LRRIQ1: variants seen among roughly 807,000 people sequenced by gnomAD.
LRRIQ1 encodes leucine-rich repeat- and IQ domain-containing protein 1.
In LRRIQ1, 210 loss-of-function variants were observed where a neutral mutation model predicts 211.9. That is an observed-to-expected ratio of 0.99 (90% confidence interval 0.89 to 1.11). The LOEUF (loss-of-function observed/expected upper bound fraction) is 1.11, where lower values mean the gene tolerates loss of function less well. LRRIQ1 is among the 50% of genes most tolerant of loss of function. The pLI, the probability that LRRIQ1 is intolerant of heterozygous loss-of-function variation, is 0.00. For missense variants in LRRIQ1, 2,136 were observed against 1,939.5 expected, an observed-to-expected ratio of 1.10 and a Z score of -1.90; for synonymous variants, 699 against 650.1, an observed-to-expected ratio of 1.08 and a Z score of -1.14.
At position 85,047,484 on chromosome 12, in the gene LRRIQ1, G is replaced by A. The variant is rs1221177891; in HGVS notation, c.678+14G>A. 6.3e-7 allele frequency: 1 copy of A among 1,597,208 alleles called. No individual in the cohort carries two copies. Among genetic ancestry groups the A allele is most frequent in the African/African-American group, 1.3e-5 (1 of 74,074 alleles). On this transcript the variant is annotated intron_variant, in intron 6 of 26. Transcript: ENST00000393217. ...AACATTCAGAAGGTATTTTGCTTTT[G>A]TTTTTCATGTATTTTTAAAATCAGT... is the stretch of plus-strand genomic sequence containing the variant.
At chr12:85,116,021 C>T (rs1887545771) in intron 15 of LRRIQ1, among the ~76,000 whole-genome samples, 1 of 152,132 alleles carries the variant, frequency 6.6e-6, no homozygotes, top group South Asian at 2.1e-4. Flanking sequence ...TTCTAAGACA[C>T]GGTCATACTC....
chr12:85,142,579 A>C (rs2136593026), intron 19 of LRRIQ1, among the ~76,000 whole-genome samples: 1 of 151,472 alleles, frequency 6.6e-6, no homozygotes, highest in Non-Finnish European at 1.5e-5. Context: ...TCTAAGTGAA[A>C]TTTTGTATGC....
chr12:85,136,810 C>G (rs147467148), intron 18 of LRRIQ1, among the ~76,000 whole-genome samples: 8 of 151,854 alleles, frequency 5.3e-5, no homozygotes, highest in African/African-American at 1.9e-4. Context: ...GTATATTTCA[C>G]CTGGGGGTAG....
chr12:85,153,221 T>G (rs1370028266), intron 21 of LRRIQ1, 76 bp downstream of exon 21: 1 of 1,291,818 alleles, frequency 7.7e-7, no homozygotes, highest in East Asian at 2.6e-5. Context: ...AGTAGTACAA[T>G]TATAAAACTA....
downstream of LRRIQ1, chr12:85,245,169 G>C (rs1895661677): frequency 2.0e-6 from 1 of 498,964 alleles, no homozygotes; most frequent in African/African-American, 2.0e-5. Context: ...CACACCCTGT[G>C]AATCATATTG....
chr12:85,236,853 A>ATATATATATATATC (rs1284295531), intron 26 of LRRIQ1, among the ~76,000 whole-genome samples: 1 of 144,138 alleles, frequency 6.9e-6, no homozygotes, highest in African/African-American at 2.7e-5. Context: ...ATATATATAT[A>ATATATATATATATC]TATCTCCCAG....
At chr12:85,067,801 TA>T (rs1207243893) in intron 10 of LRRIQ1, among the ~76,000 whole-genome samples, 1 of 151,868 alleles carries the variant, frequency 6.6e-6, no homozygotes, top group African/African-American at 2.4e-5. Flanking sequence ...TAAATGAAAT[TA>T]AAACAAAAGA....
chr12:85,146,385 C>T (rs1889897340), intron 19 of LRRIQ1, among the ~76,000 whole-genome samples: 1 of 151,792 alleles, frequency 6.6e-6, no homozygotes, highest in African/African-American at 2.4e-5. Context: ...CCATGCCCTG[C>T]TGTCTTGATG....
At chr12:85,216,477 T>G (rs1187195418) in intron 24 of LRRIQ1, among the ~76,000 whole-genome samples, 3 of 150,808 alleles carry the variant, frequency 2.0e-5, no homozygotes, top group African/African-American at 7.3e-5. Context: ...ATTTATATAA[T>G]TAATTTACAT....
intron 8 of LRRIQ1, 42 bp from the exon 9 acceptor site, chr12:85,065,220 G>A: frequency 6.6e-7 from 1 of 1,506,040 alleles, no homozygotes. Flanking sequence ...ATTCAGTTTT[G>A]TTAAATAACA....
In LRRIQ1 at chr12:85,104,062, C is replaced by T. The variant is rs761108643; in HGVS notation, c.3268C>T (p.His1090Tyr). Residue 1090 changes from histidine to tyrosine, a missense_variant, in exon 14 of 27, where the codon CAC (histidine) becomes TAC (tyrosine). By Grantham distance (83) the His-to-Tyr change is moderately conservative. Transcript: ENST00000393217. ...FVSLEKLDVS[H>Y]NCLSDLKSAI... is the part of the protein sequence containing the mutation. Reference sequence around the variant, plus strand: ...TTCATTGGAAAAGCTAGATGTCAGCCACAATTGTCTTTCTGGTAAGTTTAG... The same window carrying T: ...TTCATTGGAAAAGCTAGATGTCAGCTACAATTGTCTTTCTGGTAAGTTTAG... 2 of 1,547,856 alleles carry T rather than the reference C, an allele frequency of 1.3e-6. No homozygotes were observed. Among genetic ancestry groups the T allele is most frequent in the Non-Finnish European group, 1.7e-6 (2 of 1,144,318 alleles).
intron 24 of LRRIQ1, among the ~76,000 whole-genome samples, chr12:85,203,866 G>A (rs117978579): frequency 0.025 from 3,820 of 152,242 alleles, 73 homozygotes; most frequent in Middle Eastern, 0.082. Context: ...CCCATTTTCC[G>A]AGGAGAAGGT....
chr12:85,245,535 G>A (rs1467248435), downstream of LRRIQ1, among the ~76,000 whole-genome samples: 1 of 149,078 alleles, frequency 6.7e-6, no homozygotes, highest in Non-Finnish European at 1.5e-5. Flanking sequence ...TTATATATAT[G>A]TAGAGAAAGA....
chr12:85,197,845 A>G (rs892725952), intron 24 of LRRIQ1, among the ~76,000 whole-genome samples: 2 of 137,816 alleles, frequency 1.5e-5, no homozygotes, highest in Non-Finnish European at 3.0e-5. Flanking sequence ...AAAATATTAT[A>G]TTTATTATAA....
At chr12:85,077,738 A>G (rs1883816872) in intron 11 of LRRIQ1, among the ~76,000 whole-genome samples, 1 of 152,134 alleles carries the variant, frequency 6.6e-6, no homozygotes, top group Non-Finnish European at 1.5e-5. Context: ...TTGGGAGGCC[A>G]AGCTGGGCAG....
At chr12:85,120,999 C>T (rs1028876522) in intron 15 of LRRIQ1, among the ~76,000 whole-genome samples, 9 of 151,938 alleles carry the variant, frequency 5.9e-5, no homozygotes, top group African/African-American at 1.2e-4. Flanking sequence ...GATGGAGCCT[C>T]GCTCTGTCAC....
Position 85,038,157 on chromosome 12 carries a change from G to A in LRRIQ1, c.-20G>A, listed in dbSNP as rs755698692. 2.0e-6 allele frequency: 3 copies of A among 1,485,500 alleles called. No homozygotes were observed. The highest frequency in any genetic ancestry group is 2.7e-6 in the Non-Finnish European group (3 of 1,111,918). 92.0% of individuals were successfully genotyped at this position (1,485,500 alleles called of 1,614,324 possible). A position where few individuals can be genotyped will look rare whatever the true frequency, so the allele number is the denominator to read the frequency against. ...CCTCTTCATTTTTTAAAGCAGTTCT[G>A]TGCTTTATTATGAAGAATAATGGAC... On this transcript the variant is annotated 5_prime_UTR_variant, in exon 2 of 27. It adds an upstream start codon to the 5' untranslated region. Transcript: ENST00000393217.
chr12:85,125,869 G>A (rs894901107), intron 17 of LRRIQ1, among the ~76,000 whole-genome samples: 1 of 151,966 alleles, frequency 6.6e-6, no homozygotes, highest in Non-Finnish European at 1.5e-5. Flanking sequence ...AGTAAGTAAG[G>A]AAGAAGAACT....
At chr12:85,207,955 A>G (rs1022596205) in intron 24 of LRRIQ1, among the ~76,000 whole-genome samples, 4 of 151,918 alleles carry the variant, frequency 2.6e-5, no homozygotes, top group Admixed American at 2.6e-4. Context: ...ATCTTAAATA[A>G]TGCTTAAATT....
Sources: allele counts gnomAD v4.1 joint callset (sites outside exome capture counted in the v4.1 genomes callset), GRCh38; gene constraint gnomAD v4.1.1; transcripts MANE v1.5; gene names NCBI Gene and HGNC (gene_info 2026-07-23, HGNC 2026-07-21).